Variants in RTF1 observed in about 807,000 individuals in gnomAD.
The protein encoded by RTF1 is RTF1 homolog, Paf1/RNA polymerase II complex component, also known as RNA polymerase-associated protein RTF1 homolog.
A neutral mutation model predicts 95.7 loss-of-function variants in RTF1; 10 were observed. The observed-to-expected ratio is 0.10, with a 90% CI of 0.06 to 0.18. RTF1 has a LOEUF of 0.18. Among genes scored for constraint, RTF1 ranks in the 10% least tolerant of loss-of-function variants. The pLI is 1.00. For missense variants in RTF1, 458 were observed against 875.6 expected, an observed-to-expected ratio of 0.52 and a Z score of 6.02; for synonymous variants, 305 against 311.8, an observed-to-expected ratio of 0.98 and a Z score of 0.23.
chr15:41,419,181 A>G (rs2140942330), intron 1 of RTF1, among the ~76,000 whole-genome samples: 1 of 152,294 alleles, frequency 6.6e-6, no homozygotes, highest in Non-Finnish European at 1.5e-5. Context: ...ATAATTTTAG[A>G]CTGGCAATTA....
chr15:41,417,197 A>G lies in RTF1; in HGVS notation c.82A>G (p.Ser28Gly), dbSNP rs1049944817. 1.3e-4 allele frequency: 170 copies of G among 1,262,804 alleles called. No homozygotes were observed. The highest frequency in any genetic ancestry group is 1.6e-4 in the Non-Finnish European group (164 of 999,478). The allele number at this position is 1,262,804 out of a possible 1,614,324, so 78.2% of individuals were successfully genotyped here. A position where few individuals can be genotyped will look rare whatever the true frequency, so the allele number is the denominator to read the frequency against. The part of the protein sequence containing the change: ...AVPLAGGQEG[S>G]PGGGRRGSRG... ...CCCACTGGCAGGCGGGCAAGAGGGG[A>G]GTCCGGGCGGCGGCCGGCGTGGGAG... Residue 28 changes from serine (S) to glycine (G), a missense_variant, in exon 1 of 18, where the codon AGT becomes GGT. Coordinates refer to ENST00000389629, the MANE Select transcript of RTF1 (RefSeq NM_015138.5).
intron 2 of RTF1, among the ~76,000 whole-genome samples, chr15:41,444,564 G>A (rs894065902): frequency 1.7e-4 from 26 of 152,116 alleles, no homozygotes; most frequent in Non-Finnish European, 1.3e-4. Context: ...CAAAGTGCTA[G>A]GATTACAGGC....
rs545602772 is a variant in RTF1 at position 41,436,827 on chromosome 15, G to A, written c.199-1494G>A. On this transcript the variant is annotated intron_variant, in intron 1 of 17. Transcript: ENST00000389629. ...TAAGAGACCAGGCATGGTGGCTCACGCCTGTAATCCCAGCACTTTGGGAGG... is the reference window on the plus strand; with the variant it reads ...TAAGAGACCAGGCATGGTGGCTCACACCTGTAATCCCAGCACTTTGGGAGG... Among the ~76,000 whole-genome samples the A allele has an allele frequency of 5.3e-5, 8 of 151,724 alleles. No individual in the cohort carries two copies. The South Asian group carries it at 1.2e-3, about 24-fold the overall frequency.
intron 1 of RTF1, among the ~76,000 whole-genome samples, chr15:41,433,195 C>T (rs1042387955): frequency 1.3e-5 from 2 of 152,036 alleles, no homozygotes; most frequent in Admixed American, 1.3e-4. Flanking sequence ...TTGCTGTGAG[C>T]CGAGATCACT....
At chr15:41,436,528 G>T (rs1214009507) in intron 1 of RTF1, among the ~76,000 whole-genome samples, 1 of 151,166 alleles carries the variant, frequency 6.6e-6, no homozygotes, top group African/African-American at 2.4e-5. Context: ...GGAGGTTGAG[G>T]CAGTAGAATG....
rs1200114219 is a variant in RTF1, at chr15:41,438,302, C to G, written c.199-19C>G. 2.0e-6 allele frequency: 3 copies of G among 1,493,472 alleles called. No homozygotes were observed. In the African/African-American group the frequency reaches 4.2e-5, roughly 21 times the overall value. 92.5% of individuals were successfully genotyped at this position (1,493,472 alleles called of 1,614,324 possible). A position where few individuals can be genotyped will look rare whatever the true frequency, so the allele number is the denominator to read the frequency against. On this transcript the variant is annotated intron_variant, in intron 1 of 17. Transcript: ENST00000389629. ...TTCTCTGTTGAACAAAACTGATGTG[C>G]CTATTTTTGTCCCATTAGGAGCTCT... is the stretch of plus-strand genomic sequence containing the variant.
At chr15:41,441,325 G>C (rs1331075496) in intron 2 of RTF1, among the ~76,000 whole-genome samples, 2 of 152,260 alleles carry the variant, frequency 1.3e-5, no homozygotes, top group South Asian at 2.1e-4. Context: ...GAAGTCAGCT[G>C]CTGTGGTCCA....
At chr15:41,453,069 C>CCTG in intron 3 of RTF1, 21 bp downstream of exon 3, 1 of 1,540,748 alleles carries the variant, frequency 6.5e-7, no homozygotes, top group Non-Finnish European at 8.7e-7. Flanking sequence ...CAGCCTAGAC[C>CCTG]TGGAAGGTCA....
intron 11 of RTF1, among the ~76,000 whole-genome samples, chr15:41,476,088 A>G (rs1421212139): frequency 2.0e-5 from 3 of 152,206 alleles, no homozygotes; most frequent in Non-Finnish European, 4.4e-5. Context: ...TTTAGGGTTC[A>G]GGGGTCTGTA....
At chr15:41,438,801 C>T (rs2050717918) in intron 2 of RTF1, among the ~76,000 whole-genome samples, 1 of 151,404 alleles carries the variant, frequency 6.6e-6, no homozygotes, top group South Asian at 2.1e-4. Flanking sequence ...GCAGAGGTTG[C>T]AGTGAGCCGG....
In RTF1 at chr15:41,477,300, C is replaced by G. The variant is rs770355877; in HGVS notation, c.1682+14C>G. The G allele has an allele frequency of 6.2e-7, 1 of 1,614,178 alleles. No individual in the cohort carries two copies. Among genetic ancestry groups the G allele is most frequent in the East Asian group, 2.2e-5 (1 of 44,886 alleles). ...ATCCGCTATCAGGTGTGTTATGGAGCCTATTTTTGGCCCGCAGACCTTGGC... is the reference window on the plus strand; with the variant it reads ...ATCCGCTATCAGGTGTGTTATGGAGGCTATTTTTGGCCCGCAGACCTTGGC... On this transcript the variant is annotated intron_variant, in intron 13 of 17. Coordinates refer to ENST00000389629, the MANE Select transcript of RTF1 (RefSeq NM_015138.5).
Position 41,481,494 on chromosome 15 carries a change from C to A in RTF1, c.*807C>A, listed in dbSNP as rs974591492. On this transcript the variant is annotated 3_prime_UTR_variant, in exon 18 of 18. Coordinates refer to ENST00000389629, the MANE Select transcript of RTF1 (RefSeq NM_015138.5). ...TGTAACTTCCCCATTCCCACCTACT[C>A]TTCCCATCCTTTCCCAACTTTGGAG... is the stretch of plus-strand genomic sequence containing the variant. The A allele has an allele frequency of 2.6e-5, 4 of 152,738 alleles. No individual in the cohort carries two copies. In the East Asian group the frequency reaches 7.7e-4, roughly 29 times the overall value. 9.5% of individuals were successfully genotyped at this position (152,738 alleles called of 1,614,324 possible). A position where few individuals can be genotyped will look rare whatever the true frequency, so the allele number is the denominator to read the frequency against.
At chr15:41,448,636 T>C (rs905899010) in intron 2 of RTF1, 3 of 152,002 alleles carry the variant, frequency 2.0e-5, no homozygotes, top group Admixed American at 1.3e-4. Context: ...GGAGAATCCC[T>C]TGAACCCAGG....
chr15:41,483,122 T>C lies in RTF1; in HGVS notation c.*2435T>C, dbSNP rs370732777. The C allele has an allele frequency of 1.3e-5, 2 of 152,604 alleles. No individual in the cohort carries two copies. Among genetic ancestry groups the C allele is most frequent in the Non-Finnish European group, 2.9e-5 (2 of 68,036 alleles). 9.5% of individuals were successfully genotyped at this position (152,604 alleles called of 1,614,324 possible). ...TCCACCCGAGTAGCCTCTGTAGTGATTGGGACCAAGACTAAGGACTTGTCT... is the reference window on the plus strand; with the variant it reads ...TCCACCCGAGTAGCCTCTGTAGTGACTGGGACCAAGACTAAGGACTTGTCT... On this transcript the variant is annotated 3_prime_UTR_variant, in exon 18 of 18. Coordinates refer to ENST00000389629, the MANE Select transcript of RTF1 (RefSeq NM_015138.5).
chr15:41,430,608 G>A (rs564464668), intron 1 of RTF1, among the ~76,000 whole-genome samples: 136 of 151,706 alleles, frequency 9.0e-4, no homozygotes, highest in African/African-American at 3.2e-3. Flanking sequence ...GGGCGTGGTG[G>A]TGCATGCCTG....
At chr15:41,420,739 C>T (rs183599401) in intron 1 of RTF1, among the ~76,000 whole-genome samples, 33 of 152,068 alleles carry the variant, frequency 2.2e-4, no homozygotes, top group African/African-American at 7.7e-4. Flanking sequence ...CTGGTTTTTC[C>T]TGGTGGTAGG....
chr15:41,469,352 C>T (rs750273992), intron 6 of RTF1, among the ~76,000 whole-genome samples: 8 of 151,558 alleles, frequency 5.3e-5, no homozygotes, highest in Non-Finnish European at 8.8e-5. Context: ...ACACAGTTTT[C>T]TCTCTCTTTT....
chr15:41,417,473 C>T (rs1010475084), intron 1 of RTF1, among the ~76,000 whole-genome samples, 160 bp downstream of exon 1: 8 of 152,150 alleles, frequency 5.3e-5, no homozygotes, highest in African/African-American at 1.4e-4. Context: ...CTGGAGTGTG[C>T]GGGGCCTTGG....
chr15:41,449,695 G>T (rs977812600), intron 2 of RTF1, among the ~76,000 whole-genome samples: 13 of 151,696 alleles, frequency 8.6e-5, no homozygotes, highest in African/African-American at 3.1e-4. Flanking sequence ...GTTGTGCACT[G>T]TGGTGTGTTT....
Sources: gnomAD v4.1 joint callset for allele counts (sites outside exome capture counted in the v4.1 genomes callset) on GRCh38, gnomAD v4.1.1 for gene constraint, MANE v1.5 for transcripts, NCBI Gene and HGNC (gene_info 2026-07-23, HGNC 2026-07-21) for gene names.